The following MYO16 variants were observed in gnomAD, a reference collection of about 807,000 sequenced individuals.
The protein encoded by MYO16 is myosin XVI, also known as unconventional myosin-XVI.
A neutral mutation model predicts 205.3 loss-of-function variants in MYO16; 94 were observed. That is an observed-to-expected ratio of 0.46 (90% CI 0.39 to 0.54). The LOEUF (loss-of-function observed/expected upper bound fraction) is 0.54, where lower values mean the gene tolerates loss of function less well. Among genes scored for constraint, MYO16 ranks in the 20% least tolerant of loss-of-function variants. The probability of loss-of-function intolerance (pLI) is 0.00; values close to 1 mark genes in which losing one functional copy is unlikely to be tolerated. For missense variants in MYO16, 2,315 were observed against 2,387.5 expected (o/e 0.97, Z 0.63); for synonymous variants, 988 against 954.0 (o/e 1.04, Z -0.66).
the MYO16 span, among the ~76,000 whole-genome samples, chr13:108,589,599 A>G: frequency 2.0e-5 from 3 of 152,116 alleles, no homozygotes; most frequent in Non-Finnish European, 2.9e-5. Flanking sequence ...TGATGCCCCA[A>G]TATTACTTAT....
chr13:109,154,846 C>T (rs1877901507), intron 32 of MYO16, among the ~76,000 whole-genome samples: 1 of 132,408 alleles, frequency 7.6e-6, no homozygotes, highest in South Asian at 2.5e-4. Context: ...TAAAAGTATG[C>T]ATGAGGAATG....
intron 6 of MYO16, among the ~76,000 whole-genome samples, chr13:108,798,703 T>G (rs9555510): frequency 8.7e-6 from 1 of 114,950 alleles, no homozygotes; most frequent in Non-Finnish European, 1.8e-5. Context: ...TTTTTTTTTT[T>G]TTTTTTTTTT....
intron 1 of MYO16, among the ~76,000 whole-genome samples, chr13:108,656,839 G>T (rs1255397229): frequency 1.3e-5 from 2 of 152,020 alleles, no homozygotes; most frequent in Non-Finnish European, 2.9e-5. Flanking sequence ...ACTCATAAAG[G>T]GTGAATAATA....
rs368464318 is a variant in MYO16 at position 109,055,622 on chromosome 13, C to T, written c.3335+27C>T. On this transcript the variant is annotated intron_variant, in intron 27 of 34. Transcript: ENST00000457511. This position sits in a 1 kb window ranked among gnomAD's most constrained non-coding sequence, Gnocchi z 5.0. ...TAAATTCTTCTGCTCTTAAAATCGT[C>T]GTTCTCGCTGCTGTTCAGTGCAGTG... is the stretch of plus-strand genomic sequence containing the variant. The T allele has an allele frequency of 2.8e-5, 45 of 1,581,412 alleles. 1 individual carries two copies. Among genetic ancestry groups the T allele is most frequent in the East Asian group, 1.3e-4 (6 of 44,734 alleles).
chr13:108,738,652 T>A (rs1884790552), intron 4 of MYO16, among the ~76,000 whole-genome samples: 1 of 152,176 alleles, frequency 6.6e-6, no homozygotes, highest in Non-Finnish European at 1.5e-5. Flanking sequence ...GTCTATTAGG[T>A]CCACTTGGTG....
intron 2 of MYO16, among the ~76,000 whole-genome samples, chr13:108,676,410 A>ATGTGTGTGT (rs1483930060): frequency 1.8e-5 from 1 of 55,158 alleles, no homozygotes; most frequent in Non-Finnish European, 4.3e-5. Context: ...TGTGTGTGCC[A>ATGTGTGTGT]GCCATCTCTC....
chr13:109,184,947 C>CT (rs1430258069), intron 34 of MYO16, among the ~76,000 whole-genome samples: 3 of 151,942 alleles, frequency 2.0e-5, no homozygotes, highest in South Asian at 2.1e-4. Context: ...TTTTTATATA[C>CT]TTTTTTCAGT....
chr13:108,822,061 A>G (rs752151128), intron 8 of MYO16, among the ~76,000 whole-genome samples: 17 of 152,212 alleles, frequency 1.1e-4, no homozygotes, highest in African/African-American at 2.9e-4. Flanking sequence ...AGATGCAAGA[A>G]TAGAGCAGAG....
chr13:108,817,707 T>C (rs196172), intron 7 of MYO16, among the ~76,000 whole-genome samples: 142,208 of 152,266 alleles, frequency 0.93, 67,207 homozygotes, highest in East Asian at 1. Flanking sequence ...ACGGCTTCAG[T>C]GTCCAGCACA....
intron 6 of MYO16, among the ~76,000 whole-genome samples, chr13:108,798,368 A>C (rs1389472485): frequency 6.6e-6 from 1 of 152,216 alleles, no homozygotes; most frequent in African/African-American, 2.4e-5. Context: ...CAATGGGAAT[A>C]AAATTCTAAT....
At chr13:108,623,960 G>T (rs1241202686) in intron 1 of MYO16, among the ~76,000 whole-genome samples, 1 of 152,152 alleles carries the variant, frequency 6.6e-6, no homozygotes, top group Non-Finnish European at 1.5e-5. Flanking sequence ...ATCAAGAACA[G>T]TTTGTAGATT....
At chr13:109,043,873 G>T (rs138199740) in intron 23 of MYO16, among the ~76,000 whole-genome samples, 1 of 152,268 alleles carries the variant, frequency 6.6e-6, no homozygotes, top group East Asian at 1.9e-4. Flanking sequence ...GAATTTTTAA[G>T]TAAGAAATAT....
rs994612490 is a variant in MYO16, at chr13:108,971,453, G to C, written c.2369+6551G>C. On this transcript the variant is annotated intron_variant, in intron 20 of 34. Coordinates refer to ENST00000457511, the MANE Select transcript of MYO16 (RefSeq NM_001198950.3). ...TATCAGTCATCTCTCTATCTATCTA[G>C]TCTACAGTAATCCTATAGAGGGTTA... Among the ~76,000 whole-genome samples, 18 of 149,744 alleles carry C rather than the reference G, an allele frequency of 1.2e-4. No homozygotes were observed. In the East Asian group the frequency reaches 3.3e-3, roughly 28 times the overall value.
At chr13:108,624,048 C>T (rs1879640689) in intron 1 of MYO16, among the ~76,000 whole-genome samples, 1 of 152,054 alleles carries the variant, frequency 6.6e-6, no homozygotes, top group Admixed American at 6.6e-5. Context: ...TAAATAAGAG[C>T]ATGATTCAAC....
chr13:109,170,563 AG>A (rs1445268981), intron 33 of MYO16, among the ~76,000 whole-genome samples: 1 of 152,024 alleles, frequency 6.6e-6, no homozygotes, highest in Non-Finnish European at 1.5e-5. Context: ...AGGAAGAAAG[AG>A]ATGGAGAAAG....
At chr13:108,703,016 G>A (rs1362488280) in intron 2 of MYO16, among the ~76,000 whole-genome samples, 4 of 152,100 alleles carry the variant, frequency 2.6e-5, no homozygotes, top group African/African-American at 9.7e-5. Flanking sequence ...TGGGGGCATA[G>A]AAGAATGAAA....
At chr13:108,878,409 C>T (rs1292627444) in intron 12 of MYO16, among the ~76,000 whole-genome samples, 1 of 152,102 alleles carries the variant, frequency 6.6e-6, no homozygotes, top group Non-Finnish European at 1.5e-5. Context: ...CACTGGATGG[C>T]CAAACTCCAG....
intron 9 of MYO16, among the ~76,000 whole-genome samples, chr13:108,827,830 G>A (rs916607983): frequency 2.0e-5 from 3 of 152,118 alleles, no homozygotes; most frequent in African/African-American, 7.2e-5. Flanking sequence ...ATGCCCTTTA[G>A]CGTCTGAGCA....
intron 16 of MYO16, among the ~76,000 whole-genome samples, chr13:108,923,889 A>G (rs1165956582): frequency 2.0e-5 from 3 of 152,112 alleles, no homozygotes; most frequent in African/African-American, 7.2e-5. Flanking sequence ...CCCAGCCAGC[A>G]TTTGCATACT....
Sources: gnomAD v4.1 joint callset for allele counts (sites outside exome capture counted in the v4.1 genomes callset) on GRCh38, gnomAD v4.1.1 for gene constraint, Gnocchi (gnomAD v3.1) non-coding constraint, MANE v1.5 for transcripts, NCBI Gene and HGNC (gene_info 2026-07-23, HGNC 2026-07-21) for gene names.